Variants in NKAIN3 observed in about 807,000 individuals in gnomAD.
NKAIN3 encodes the protein sodium/potassium-transporting ATPase subunit beta-1-interacting protein 3.
NKAIN3 carries 25 observed loss-of-function variants against 30.2 expected under a neutral mutation model. That is an observed-to-expected ratio of 0.83 (90% CI 0.60 to 1.16). The LOEUF is 1.16. Among genes scored for constraint, NKAIN3 ranks in the 50% most tolerant of loss-of-function variants. The pLI, the probability that NKAIN3 is intolerant of heterozygous loss-of-function variation, is 0.00. For missense variants in NKAIN3, 225 were observed against 254.1 expected (o/e 0.89, Z 0.78); for synonymous variants, 91 against 89.6 (o/e 1.02, Z -0.09).
chr8:62,679,458 T>C (rs1017399139), intron 3 of NKAIN3, among the ~76,000 whole-genome samples: 7 of 152,194 alleles, frequency 4.6e-5, no homozygotes, highest in Admixed American at 4.6e-4. Context: ...TGTGAACATG[T>C]TGCCTTGAAT....
At chr8:62,454,310 A>AAAAAAAAAAAAAAAAAAAAT in intron 1 of NKAIN3, among the ~76,000 whole-genome samples, 2 of 148,580 alleles carry the variant, frequency 1.3e-5, no homozygotes, top group South Asian at 2.2e-4. Flanking sequence ...GCAAAAAAAA[A>AAAAAAAAAAAAAAAAAAAAT]AAAAAAAAAA....
intron 3 of NKAIN3, among the ~76,000 whole-genome samples, chr8:62,720,568 T>G (rs1815056309): frequency 6.6e-6 from 1 of 152,232 alleles, no homozygotes; most frequent in Non-Finnish European, 1.5e-5. Flanking sequence ...AAAATTCTCT[T>G]TTCTCCTGTG....
At chr8:62,636,041 C>T (rs1367703405) in intron 3 of NKAIN3, among the ~76,000 whole-genome samples, 5 of 152,080 alleles carry the variant, frequency 3.3e-5, no homozygotes, top group Non-Finnish European at 7.4e-5. Flanking sequence ...AGAATGGAGC[C>T]GTGTGATAAG....
At chr8:62,337,378 G>C (rs1018876973) in intron 1 of NKAIN3, among the ~76,000 whole-genome samples, 1 of 151,718 alleles carries the variant, frequency 6.6e-6, no homozygotes, top group Non-Finnish European at 1.5e-5. Flanking sequence ...CTCTACCTTC[G>C]AGGAGCTTAC....
intron 1 of NKAIN3, among the ~76,000 whole-genome samples, chr8:62,395,169 C>T (rs1817710970): frequency 6.6e-6 from 1 of 151,478 alleles, no homozygotes; most frequent in African/African-American, 2.4e-5. Context: ...GCGGTCCTCA[C>T]TTTCCAGATG....
At chr8:62,306,720 G>A in intron 1 of NKAIN3, among the ~76,000 whole-genome samples, 1 of 150,132 alleles carries the variant, frequency 6.7e-6, no homozygotes, top group East Asian at 1.9e-4. Flanking sequence ...CATAGGTTTG[G>A]CCAAAGAGCC....
intron 3 of NKAIN3, among the ~76,000 whole-genome samples, chr8:62,652,677 A>G (rs954521687): frequency 2.0e-5 from 3 of 152,284 alleles, no homozygotes; most frequent in African/African-American, 7.2e-5. Context: ...ACCCTGGCAT[A>G]TGATGTGGAT....
intron 4 of NKAIN3, among the ~76,000 whole-genome samples, chr8:62,876,816 T>G (rs1820810106): frequency 6.7e-6 from 1 of 149,116 alleles, no homozygotes. Flanking sequence ...TATTGAGGGG[T>G]GGGGGTGAGG....
intron 4 of NKAIN3, among the ~76,000 whole-genome samples, chr8:62,763,201 A>C (rs1816722995): frequency 7.4e-6 from 1 of 134,370 alleles, no homozygotes. Context: ...AGCCTGGGCA[A>C]CAAGTGCGAG....
At chr8:62,821,802 C>A (rs1818855068) in intron 4 of NKAIN3, among the ~76,000 whole-genome samples, 1 of 151,770 alleles carries the variant, frequency 6.6e-6, no homozygotes, top group Non-Finnish European at 1.5e-5. Flanking sequence ...AAGGTATTCA[C>A]AAGCCCATGA....
intron 1 of NKAIN3, among the ~76,000 whole-genome samples, chr8:62,541,872 T>A (rs1004254521): frequency 1.3e-5 from 2 of 152,202 alleles, no homozygotes; most frequent in Non-Finnish European, 2.9e-5. Flanking sequence ...ATCTTTCTTC[T>A]TTGTTGCTTT....
chr8:62,551,736 G>A (rs937303925), intron 1 of NKAIN3, among the ~76,000 whole-genome samples: 2 of 152,158 alleles, frequency 1.3e-5, no homozygotes, highest in Non-Finnish European at 2.9e-5. Context: ...TTTAGCAAAA[G>A]AATTTTAGAT....
intron 1 of NKAIN3, among the ~76,000 whole-genome samples, chr8:62,370,341 T>C (rs757512821): frequency 2.0e-5 from 3 of 152,052 alleles, no homozygotes; most frequent in Non-Finnish European, 4.4e-5. Flanking sequence ...GTTTTTCTTA[T>C]ATGATTCAGC....
chr8:62,904,986 AG>A (rs1821735084), intron 4 of NKAIN3, among the ~76,000 whole-genome samples: 1 of 152,142 alleles, frequency 6.6e-6, no homozygotes. Flanking sequence ...GGTCTCTCGG[AG>A]GGTAGTTCCT....
intron 1 of NKAIN3, among the ~76,000 whole-genome samples, chr8:62,490,108 A>G (rs993034477): frequency 1.3e-5 from 2 of 152,220 alleles, no homozygotes; most frequent in South Asian, 2.1e-4. Context: ...TGGTGTGTCA[A>G]CTTGGCACTG....
At chr8:62,630,444 G>A (rs1378297858) in intron 3 of NKAIN3, among the ~76,000 whole-genome samples, 1 of 152,152 alleles carries the variant, frequency 6.6e-6, no homozygotes, top group Non-Finnish European at 1.5e-5. Flanking sequence ...TTCATTAAAA[G>A]TAGCACTTCA....
rs1269927581 is a variant in NKAIN3, at chr8:62,345,461, A to G, written c.54+96334A>G. ...TGTATATATACACACATATGTATAT[A>G]TACACATATATACACATATATGTAT... On this transcript the variant is annotated intron_variant, in intron 1 of 6. Transcript: ENST00000623646. Among the ~76,000 whole-genome samples, 124 of 26,144 alleles carry G rather than the reference A, an allele frequency of 4.7e-3. 8 individuals are homozygous for G. Among genetic ancestry groups the G allele is most frequent in the African/African-American group, 0.01 (117 of 11,246 alleles). The allele number at this position is 26,144 out of a possible 152,430, so 17.2% of individuals were successfully genotyped here.
chr8:62,757,818 G>A (rs751082334), intron 4 of NKAIN3, among the ~76,000 whole-genome samples: 7 of 152,184 alleles, frequency 4.6e-5, no homozygotes, highest in African/African-American at 9.7e-5. Context: ...GGAAAGAAAG[G>A]TTGAAGATAA....
At chr8:62,684,734 TAAG>T (rs1317155418) in intron 3 of NKAIN3, among the ~76,000 whole-genome samples, 1 of 152,162 alleles carries the variant, frequency 6.6e-6, no homozygotes, top group Non-Finnish European at 1.5e-5. Context: ...AATAGGTAAT[TAAG>T]TTAGAATGAG....
Sources: gnomAD v4.1 joint callset for allele counts (sites outside exome capture counted in the v4.1 genomes callset) on GRCh38, gnomAD v4.1.1 for gene constraint, MANE v1.5 for transcripts, NCBI Gene and HGNC (gene_info 2026-07-23, HGNC 2026-07-21) for gene names.